The following ADGRL3 variants were observed in gnomAD, a reference collection of about 807,000 sequenced individuals.
ADGRL3 encodes calcium-independent alpha-latrotoxin receptor 3.
In ADGRL3, 62 loss-of-function variants were observed where a neutral mutation model predicts 153.5. That is an observed-to-expected ratio of 0.40 (90% CI 0.33 to 0.50). ADGRL3 has a LOEUF of 0.50. Ranked by LOEUF, ADGRL3 falls within the 20% of genes least tolerant of loss-of-function variation. The probability of loss-of-function intolerance (pLI) is 0.47; values close to 1 mark genes in which losing one functional copy is unlikely to be tolerated. For synonymous variants in ADGRL3, 710 were observed against 672.5 expected (o/e 1.06, Z -0.86); for missense variants, 1,641 against 1,859.4 (o/e 0.88, Z 2.16).
chr4:61,306,168 G>A (rs2094777568), intron 1 of ADGRL3, among the ~76,000 whole-genome samples: 2 of 151,896 alleles, frequency 1.3e-5, no homozygotes, highest in Admixed American at 1.3e-4. Flanking sequence ...CATGATCTTG[G>A]CTTACTGGAA....
intron 1 of ADGRL3, among the ~76,000 whole-genome samples, chr4:61,246,800 A>G (rs1468862139): frequency 6.6e-6 from 1 of 151,622 alleles, no homozygotes; most frequent in African/African-American, 2.4e-5. Flanking sequence ...CTTCCCATAT[A>G]TACCTTCTAA....
chr4:61,284,650 T>C (rs192731175), intron 1 of ADGRL3, among the ~76,000 whole-genome samples: 29 of 151,968 alleles, frequency 1.9e-4, no homozygotes, highest in South Asian at 1.7e-3. Flanking sequence ...ATGTTCGTGT[T>C]TTAAAAGTAT....
chr4:61,662,826 C>T (rs893500692), intron 5 of ADGRL3, among the ~76,000 whole-genome samples: 20 of 152,272 alleles, frequency 1.3e-4, no homozygotes, highest in African/African-American at 3.8e-4. Flanking sequence ...CTTGGGCAGA[C>T]GATGGAATGA....
intron 25 of ADGRL3, among the ~76,000 whole-genome samples, chr4:62,047,721 A>G (rs1259301006): frequency 6.6e-6 from 1 of 152,140 alleles, no homozygotes; most frequent in East Asian, 1.9e-4. Context: ...TGTACTTCGC[A>G]TATCTATAAA....
chr4:61,359,090 A>G (rs747524651), intron 1 of ADGRL3, among the ~76,000 whole-genome samples: 1 of 152,160 alleles, frequency 6.6e-6, no homozygotes. Context: ...TCTTCCTCTC[A>G]TACATCACAT....
At chr4:61,577,246 A>G (rs2098892358) in intron 4 of ADGRL3, among the ~76,000 whole-genome samples, 1 of 150,388 alleles carries the variant, frequency 6.6e-6, no homozygotes, top group African/African-American at 2.4e-5. Flanking sequence ...GAGGGAAGGG[A>G]AGAATGTGAA....
intron 5 of ADGRL3, among the ~76,000 whole-genome samples, chr4:61,674,902 G>T (rs1580218033): frequency 6.6e-6 from 1 of 151,976 alleles, no homozygotes; most frequent in Non-Finnish European, 1.5e-5. Flanking sequence ...TGTGGTGCAT[G>T]TGTGAGGACA....
intron 8 of ADGRL3, among the ~76,000 whole-genome samples, chr4:61,748,991 A>G (rs2096713872): frequency 6.6e-6 from 1 of 151,652 alleles, no homozygotes; most frequent in Admixed American, 6.6e-5. Flanking sequence ...CAGAATCTAC[A>G]ATGAACTCAA....
At chr4:62,022,130 A>G (rs2099241058) in intron 21 of ADGRL3, among the ~76,000 whole-genome samples, 1 of 152,200 alleles carries the variant, frequency 6.6e-6, no homozygotes, top group Non-Finnish European at 1.5e-5. Context: ...TAATCTATTG[A>G]ACACATGAAT....
intron 2 of ADGRL3, among the ~76,000 whole-genome samples, chr4:61,434,167 T>C (rs1257427004): frequency 6.6e-6 from 1 of 152,134 alleles, no homozygotes; most frequent in Non-Finnish European, 1.5e-5. Context: ...ACATTAGATA[T>C]TGACAATTAT....
rs1388492722 is a variant in ADGRL3, at chr4:62,038,603, T to G, written c.3717+747T>G. ...TTTGGTTCAAGCTAGCAAACTAGTA[T>G]TATTTGTTTGTTTTTTGAGACAGAG... On this transcript the variant is annotated intron_variant, in intron 24 of 26. Transcript: ENST00000683033. 2.6e-5 allele frequency among the ~76,000 whole-genome samples: 4 copies of G among 151,988 alleles called. No homozygotes were observed. In the East Asian group the frequency reaches 7.7e-4, roughly 29 times the overall value.
chr4:61,623,866 C>A (rs1337831187), intron 5 of ADGRL3, among the ~76,000 whole-genome samples: 1 of 151,800 alleles, frequency 6.6e-6, no homozygotes, highest in African/African-American at 2.4e-5. Flanking sequence ...ATGTGTAACC[C>A]CTAAAAGGAA....
At chr4:62,045,939 T>A (rs1421742107) in intron 25 of ADGRL3, among the ~76,000 whole-genome samples, 4 of 151,992 alleles carry the variant, frequency 2.6e-5, no homozygotes, top group Non-Finnish European at 5.9e-5. Flanking sequence ...TTCAATTTAG[T>A]TTTAATGTTT....
At chr4:61,854,233 A>G (rs1431380117) in intron 9 of ADGRL3, among the ~76,000 whole-genome samples, 1 of 152,186 alleles carries the variant, frequency 6.6e-6, no homozygotes, top group Non-Finnish European at 1.5e-5. Flanking sequence ...TAAAAGTAGG[A>G]AACAGAAGAA....
chr4:61,388,449 C>A (rs2096765636), intron 2 of ADGRL3, among the ~76,000 whole-genome samples: 1 of 152,156 alleles, frequency 6.6e-6, no homozygotes, highest in South Asian at 2.1e-4. Context: ...AATAAGAAAT[C>A]CTATGCAGTA....
At chr4:61,434,946 G>T (rs907149552) in intron 2 of ADGRL3, among the ~76,000 whole-genome samples, 4 of 151,950 alleles carry the variant, frequency 2.6e-5, no homozygotes, top group Admixed American at 1.3e-4. Context: ...GATTTGTATG[G>T]CAGGATGGCC....
chr4:61,379,257 G>A (rs1216326361), intron 1 of ADGRL3, among the ~76,000 whole-genome samples: 1 of 151,948 alleles, frequency 6.6e-6, no homozygotes, highest in Non-Finnish European at 1.5e-5. Flanking sequence ...CCTAGTTGTG[G>A]AGGTGGACTG....
intron 1 of ADGRL3, among the ~76,000 whole-genome samples, chr4:61,225,442 A>G (rs975578761): frequency 1.3e-5 from 2 of 152,142 alleles, no homozygotes; most frequent in Admixed American, 1.3e-4. Context: ...GCCTGTCTCT[A>G]TTCTGATAGG....
chr4:62,006,015 TATATATATATA>T (rs2099157192), intron 21 of ADGRL3, among the ~76,000 whole-genome samples: 1 of 98,438 alleles, frequency 1.0e-5, no homozygotes, highest in African/African-American at 3.8e-5. Flanking sequence ...TATATATATA[TATATATATATA>T]TATATATTTT....
Sources: allele counts gnomAD v4.1 joint callset (sites outside exome capture counted in the v4.1 genomes callset), GRCh38; gene constraint gnomAD v4.1.1; transcripts MANE v1.5; gene names NCBI Gene and HGNC (gene_info 2026-07-23, HGNC 2026-07-21).